Variants in RALGPS1 observed in about 807,000 individuals in gnomAD.
The protein encoded by RALGPS1 is Ral GEF with PH domain and SH3 binding motif 1.
A neutral mutation model predicts 78.8 loss-of-function variants in RALGPS1; 19 were observed. The ratio of observed to expected loss-of-function variants is 0.24; its 90% CI spans 0.17 to 0.35. RALGPS1 has a LOEUF of 0.35. Ranked by LOEUF, RALGPS1 falls within the 10% of genes least tolerant of loss-of-function variation. The pLI is 1.00. For missense variants in RALGPS1, 454 were observed against 688.3 expected (o/e 0.66, Z 3.81); for synonymous variants, 228 against 256.3 (o/e 0.89, Z 1.06).
chr9:126,957,244 C>T (rs572180406), intron 1 of RALGPS1, among the ~76,000 whole-genome samples: 49 of 152,252 alleles, frequency 3.2e-4, no homozygotes, highest in Non-Finnish European at 5.9e-4. Flanking sequence ...GGGTGTGCGC[C>T]GATGGCCAGT....
At chr9:127,200,451 T>A (rs2061572859) in intron 14 of RALGPS1, among the ~76,000 whole-genome samples, 1 of 152,226 alleles carries the variant, frequency 6.6e-6, no homozygotes, top group African/African-American at 2.4e-5. Context: ...TGCTCCACAC[T>A]CTGGTATGGA....
intron 8 of RALGPS1, among the ~76,000 whole-genome samples, chr9:127,112,599 G>A (rs1478913148): frequency 1.3e-5 from 2 of 152,226 alleles, no homozygotes; most frequent in Non-Finnish European, 1.5e-5. Flanking sequence ...ACAGCTCCCC[G>A]ACAGAGTTCT....
At chr9:126,993,090 T>A (rs897329863) in intron 4 of RALGPS1, among the ~76,000 whole-genome samples, 1 of 152,226 alleles carries the variant, frequency 6.6e-6, no homozygotes, top group African/African-American at 2.4e-5. Context: ...GAATGGGTAT[T>A]TGAGTTTTAT....
chr9:127,105,029 C>T (rs2054083809), intron 8 of RALGPS1, among the ~76,000 whole-genome samples: 1 of 152,110 alleles, frequency 6.6e-6, no homozygotes, highest in Admixed American at 6.5e-5. Flanking sequence ...CAGTTTAGTC[C>T]TCAACACCAG....
At chr9:127,074,800 A>G (rs2050534113) in intron 8 of RALGPS1, among the ~76,000 whole-genome samples, 1 of 152,264 alleles carries the variant, frequency 6.6e-6, no homozygotes, top group Non-Finnish European at 1.5e-5. Flanking sequence ...TGGCCTGGCT[A>G]TAAGCCCTAA....
At chr9:126,929,983 C>A (rs1454916926) in intron 1 of RALGPS1, among the ~76,000 whole-genome samples, 1 of 151,978 alleles carries the variant, frequency 6.6e-6, no homozygotes, top group Non-Finnish European at 1.5e-5. Context: ...CAGGTGTGCG[C>A]CACCACTCCT....
In RALGPS1 at chr9:126,926,340, A is replaced by G. The variant is rs77397113; in HGVS notation, c.-66+11365A>G. 2.3e-3 allele frequency among the ~76,000 whole-genome samples: 354 copies of G among 152,334 alleles called. 2 individuals are homozygous for G. Among genetic ancestry groups the G allele is most frequent in the African/African-American group, 6.7e-3 (279 of 41,564 alleles). On this transcript the variant is annotated intron_variant, in intron 1 of 18. Coordinates refer to ENST00000259351, the MANE Select transcript of RALGPS1 (RefSeq NM_014636.3). ...ATAATGATAATACAGTGTCATGGGA[A>G]GTAGAGTAGTGGAAATGGAAGCTCA... is the stretch of plus-strand genomic sequence containing the variant.
chr9:127,090,134 G>A (rs2052290820), intron 8 of RALGPS1, among the ~76,000 whole-genome samples: 1 of 152,182 alleles, frequency 6.6e-6, no homozygotes, highest in Non-Finnish European at 1.5e-5. Flanking sequence ...TGGCAGTGTT[G>A]GACTGGTATA....
chr9:126,922,720 C>T (rs1282457701), intron 1 of RALGPS1, among the ~76,000 whole-genome samples: 1 of 152,178 alleles, frequency 6.6e-6, no homozygotes, highest in Non-Finnish European at 1.5e-5. Context: ...CAATTGTGCC[C>T]ACCAGTGACT....
chr9:127,144,300 CG>C lies in RALGPS1; in HGVS notation c.611-21768del, dbSNP rs201153127. Among the ~76,000 whole-genome samples the C allele has an allele frequency of 3.7e-4, 56 of 152,310 alleles. 1 individual carries two copies. The East Asian group carries it at 0.01, about 28-fold the overall frequency. Reference sequence around the variant, plus strand: ...CCAGCGGTGGCCCTCATGGACGATTCGTGCAGGAACACATGAAATCTGAGTT... The same window carrying C: ...CCAGCGGTGGCCCTCATGGACGATTCTGCAGGAACACATGAAATCTGAGTT... On this transcript the variant is annotated intron_variant, in intron 8 of 18. Coordinates refer to ENST00000259351, the MANE Select transcript of RALGPS1 (RefSeq NM_014636.3).
intron 10 of RALGPS1, among the ~76,000 whole-genome samples, chr9:127,173,880 G>A (rs2059694168): frequency 1.3e-5 from 2 of 152,136 alleles, no homozygotes; most frequent in Admixed American, 1.3e-4. Context: ...AGGCATGGTG[G>A]CACACGCCTG....
At chr9:127,115,462 C>T (rs1045906370) in intron 8 of RALGPS1, among the ~76,000 whole-genome samples, 1 of 152,160 alleles carries the variant, frequency 6.6e-6, no homozygotes, top group Non-Finnish European at 1.5e-5. Flanking sequence ...GACTGAGCAA[C>T]AAACTATATG....
At chr9:127,047,675 G>A (rs1439916582) in intron 5 of RALGPS1, among the ~76,000 whole-genome samples, 9 of 151,088 alleles carry the variant, frequency 6.0e-5, no homozygotes, top group African/African-American at 1.5e-4. Context: ...CTCCAGCCTC[G>A]GTGACAGAGC....
At chr9:127,175,368 C>T (rs990323971) in intron 11 of RALGPS1, among the ~76,000 whole-genome samples, 6 of 152,214 alleles carry the variant, frequency 3.9e-5, no homozygotes, top group African/African-American at 1.2e-4. Flanking sequence ...CTTACCTTCT[C>T]GGGTTGTTGT....
intron 8 of RALGPS1, chr9:127,107,883 C>T (rs1459389946): frequency 8.6e-6 from 13 of 1,509,730 alleles, no homozygotes; most frequent in Non-Finnish European, 1.2e-5. Flanking sequence ...GGCTCTGAGA[C>T]CCACATGTAA....
At chr9:127,115,420 T>C (rs2055298101) in intron 8 of RALGPS1, among the ~76,000 whole-genome samples, 1 of 152,194 alleles carries the variant, frequency 6.6e-6, no homozygotes, top group Non-Finnish European at 1.5e-5. Flanking sequence ...TAGTTATTAA[T>C]AGCACCCCCT....
chr9:127,169,345 C>A (rs1007542675), intron 10 of RALGPS1, among the ~76,000 whole-genome samples: 14 of 152,234 alleles, frequency 9.2e-5, no homozygotes, highest in Admixed American at 9.2e-4. Flanking sequence ...ATAACAAACC[C>A]ATGGGCCCTT....
chr9:126,979,596 T>C (rs1397992871), intron 4 of RALGPS1, among the ~76,000 whole-genome samples: 1 of 152,160 alleles, frequency 6.6e-6, no homozygotes, highest in Non-Finnish European at 1.5e-5. Flanking sequence ...AACCTGCATG[T>C]GCCCAGGAGA....
At chr9:127,047,805 C>A (rs1262550204) in intron 5 of RALGPS1, among the ~76,000 whole-genome samples, 1 of 151,916 alleles carries the variant, frequency 6.6e-6, no homozygotes, top group Non-Finnish European at 1.5e-5. Context: ...TTATCTCTTA[C>A]GACTTACTTT....
Sources: gnomAD v4.1 joint callset for allele counts (sites outside exome capture counted in the v4.1 genomes callset) on GRCh38, gnomAD v4.1.1 for gene constraint, MANE v1.5 for transcripts, NCBI Gene and HGNC (gene_info 2026-07-23, HGNC 2026-07-21) for gene names.